CDK15: variants seen among roughly 807,000 people sequenced by gnomAD.
CDK15 encodes the protein cyclin dependent kinase 15, also known as cyclin-dependent kinase 15.
In CDK15, 62 loss-of-function variants were observed where a neutral mutation model predicts 60.3. That is an observed-to-expected ratio of 1.03 (90% confidence interval 0.84 to 1.27). The LOEUF is 1.27. Ranked by LOEUF, CDK15 falls within the 50% of genes most tolerant of loss-of-function variation. CDK15 has a pLI of 0.00. For synonymous variants in CDK15, 194 were observed against 195.7 expected, an observed-to-expected ratio of 0.99 and a Z score of 0.07; for missense variants, 541 against 527.8, an observed-to-expected ratio of 1.03 and a Z score of -0.25.
At chr2:201,852,093 T>C (rs2105783326) in intron 9 of CDK15, among the ~76,000 whole-genome samples, 1 of 152,372 alleles carries the variant, frequency 6.6e-6, no homozygotes, top group South Asian at 2.1e-4. Flanking sequence ...CTAATGATTG[T>C]TTCCTTTGCT....
chr2:201,858,628 A>G (rs1245420088), intron 10 of CDK15, among the ~76,000 whole-genome samples: 1 of 152,032 alleles, frequency 6.6e-6, no homozygotes, highest in Non-Finnish European at 1.5e-5. Context: ...ATATATCCAA[A>G]TGTCAGTGAG....
intron 8 of CDK15, among the ~76,000 whole-genome samples, chr2:201,841,233 T>C (rs1182276801): frequency 6.6e-6 from 1 of 152,200 alleles, no homozygotes; most frequent in Non-Finnish European, 1.5e-5. Flanking sequence ...TTACCACATA[T>C]ACAAAAATGT....
chr2:201,874,248 G>A (rs760108065), intron 11 of CDK15, among the ~76,000 whole-genome samples: 10 of 152,112 alleles, frequency 6.6e-5, no homozygotes, highest in Non-Finnish European at 1.2e-4. Flanking sequence ...TTGGAGTAGT[G>A]ACTATGATAT....
intron 9 of CDK15, among the ~76,000 whole-genome samples, chr2:201,852,387 ATTGAGAAGTC>A (rs966630239): frequency 2.0e-5 from 3 of 152,192 alleles, no homozygotes; most frequent in Non-Finnish European, 4.4e-5. Context: ...ATAAAAACAC[ATTGAGAAGTC>A]CTGAGTCTCT....
At chr2:201,821,618 C>G (rs1015276932) in intron 4 of CDK15, among the ~76,000 whole-genome samples, 3 of 152,086 alleles carry the variant, frequency 2.0e-5, no homozygotes, top group African/African-American at 7.2e-5. Flanking sequence ...TTTTCCTTTC[C>G]TTTAAGCTTT....
intron 8 of CDK15, among the ~76,000 whole-genome samples, chr2:201,837,299 G>C (rs1574880638): frequency 2.9e-5 from 2 of 69,492 alleles, no homozygotes; most frequent in African/African-American, 7.4e-5. Flanking sequence ...AAGAAAGAAA[G>C]AAACAGAGAG....
rs1397609901 is a variant in CDK15, at chr2:201,894,154, G to A, written c.*887G>A. ...GAGAGATCTGTCTTAGCTAACACGT[G>A]TGCCGTTTTATACAATGACTCCTTC... On this transcript the variant is annotated 3_prime_UTR_variant, in exon 14 of 14. Coordinates refer to ENST00000652192, the MANE Select transcript of CDK15 (RefSeq NM_001366386.2). 6.6e-6 allele frequency: 1 copy of A among 151,522 alleles called. No individual in the cohort carries two copies. The highest frequency in any genetic ancestry group is 1.5e-5 in the Non-Finnish European group (1 of 68,216). The allele number at this position is 151,522 out of a possible 1,614,324, so 9.4% of individuals were successfully genotyped here.
intron 10 of CDK15, among the ~76,000 whole-genome samples, chr2:201,869,200 T>C (rs1559143162): frequency 6.6e-6 from 1 of 152,118 alleles, no homozygotes; most frequent in African/African-American, 2.4e-5. Context: ...TATGCAGCCA[T>C]AGAAAAGGAT....
At position 201,854,889 on chromosome 2, in the gene CDK15, A is replaced by G; in HGVS notation, c.961A>G (p.Thr321Ala). The stretch of plus-strand genomic sequence containing the variant: ...CTTTATATAGGTGCTGGGAGTCCCT[A>G]CAGAGGATACTTGGCCGGGAGTCTC... ...EKIWEVLGVPTEDTWPGVSKL... is the reference protein window; with the variant it reads ...EKIWEVLGVPAEDTWPGVSKL... The change falls in exon 10 of 14, where the codon ACA becomes GCA. Residue 321 changes from threonine to alanine, a missense_variant. Thr to Ala is a moderately conservative substitution (Grantham distance 58). Coordinates refer to ENST00000652192, the MANE Select transcript of CDK15 (RefSeq NM_001366386.2). 1 of 1,613,912 alleles carries G rather than the reference A, an allele frequency of 6.2e-7. No individual in the cohort carries two copies.
chr2:201,847,503 G>A, intron 9 of CDK15, 29 bp downstream of exon 9: 1 of 1,590,056 alleles, frequency 6.3e-7, no homozygotes, highest in Non-Finnish European at 8.6e-7. Context: ...TAAAGAAAAT[G>A]AAATATCTGC....
In CDK15 at chr2:201,893,497, T is replaced by G. The variant is rs1699698829; in HGVS notation, c.*230T>G. On this transcript the variant is annotated 3_prime_UTR_variant, in exon 14 of 14. Transcript: ENST00000652192. ...ATTGCTATTGTCATTTGCATAGAAT[T>G]TAAGTGATTGATTTAAAAAAACTGG... The G allele has an allele frequency of 6.6e-6, 1 of 152,158 alleles. No individual in the cohort carries two copies. The highest frequency in any genetic ancestry group is 2.4e-5 in the African/African-American group (1 of 41,424). The allele number at this position is 152,158 out of a possible 1,614,324, so 9.4% of individuals were successfully genotyped here.
chr2:201,816,649 A>G (rs573357598), intron 4 of CDK15, among the ~76,000 whole-genome samples: 1 of 152,070 alleles, frequency 6.6e-6, no homozygotes, highest in South Asian at 2.1e-4. Context: ...TTGGGTATAT[A>G]CCCAGGAATG....
Position 201,890,905 on chromosome 2 carries a change from C to G in CDK15, c.*11C>G. The G allele has an allele frequency of 1.9e-6, 3 of 1,593,084 alleles. No homozygotes were observed. The highest frequency in any genetic ancestry group is 2.6e-6 in the Non-Finnish European group (3 of 1,162,378). ...AGCAAATGCTGGTGAAAAGAAAGGG[C>G]GAGATCACCAAGGTTCTTCCAGGTA... On this transcript the variant is annotated 3_prime_UTR_variant, in exon 13 of 14. Coordinates refer to ENST00000652192, the MANE Select transcript of CDK15 (RefSeq NM_001366386.2).
intron 4 of CDK15, among the ~76,000 whole-genome samples, chr2:201,820,469 T>A (rs886853241): frequency 2.6e-5 from 4 of 152,310 alleles, no homozygotes; most frequent in Admixed American, 2.6e-4. Flanking sequence ...GGTATCTGAT[T>A]CCATCCTCAT....
intron 9 of CDK15, among the ~76,000 whole-genome samples, chr2:201,853,300 C>G (rs561452799): frequency 5.9e-5 from 9 of 152,176 alleles, no homozygotes; most frequent in South Asian, 2.1e-4. Context: ...GGGAATGGAT[C>G]AAAGAAGGAA....
At chr2:201,833,084 C>T (rs145877211) in intron 6 of CDK15, among the ~76,000 whole-genome samples, 21 of 152,208 alleles carry the variant, frequency 1.4e-4, no homozygotes, top group African/African-American at 5.1e-4. Context: ...GCCTCATAAC[C>T]ACATGAAACA....
chr2:201,847,954 A>T lies in CDK15; in HGVS notation c.945+480A>T, dbSNP rs183644531. ...GAGACCAGCCTGGGCAACATGGCGA[A>T]ACCCCATCCCTACAAAAACAAAAAT... On this transcript the variant is annotated intron_variant, in intron 9 of 13. Transcript: ENST00000652192. 6.3e-4 allele frequency among the ~76,000 whole-genome samples: 96 copies of T among 152,234 alleles called. 1 individual carries two copies. Among genetic ancestry groups the T allele is most frequent in the Admixed American group, 5.4e-3 (82 of 15,274 alleles).
chr2:201,844,707 G>C (rs1441141367), intron 8 of CDK15, among the ~76,000 whole-genome samples: 2 of 152,146 alleles, frequency 1.3e-5, no homozygotes, highest in Non-Finnish European at 1.5e-5. Flanking sequence ...TGTAATCCCA[G>C]TACTTTGGGA....
chr2:201,818,751 A>G (rs970335121), intron 4 of CDK15, among the ~76,000 whole-genome samples: 3 of 152,222 alleles, frequency 2.0e-5, no homozygotes, highest in Non-Finnish European at 2.9e-5. Flanking sequence ...AAGCAGTACT[A>G]GGAATGGCCA....
Sources: gnomAD v4.1 joint callset for allele counts (sites outside exome capture counted in the v4.1 genomes callset) on GRCh38, gnomAD v4.1.1 for gene constraint, MANE v1.5 for transcripts, NCBI Gene and HGNC (gene_info 2026-07-23, HGNC 2026-07-21) for gene names.